The following GPRIN3 variants were observed in gnomAD, a reference collection of about 807,000 sequenced individuals.
GPRIN3 encodes the protein G protein-regulated inducer of neurite outgrowth 3.
Under a neutral mutation model 13.7 loss-of-function variants are expected in GPRIN3, and 12 were observed. That is an observed-to-expected ratio of 0.87 (90% CI 0.56 to 1.42). GPRIN3 has a LOEUF of 1.42. Among genes scored for constraint, GPRIN3 ranks in the 40% most tolerant of loss-of-function variants. The probability of loss-of-function intolerance (pLI) is 0.00; values close to 1 mark genes in which losing one functional copy is unlikely to be tolerated. For synonymous variants in GPRIN3, 377 were observed against 372.7 expected (o/e 1.01, Z -0.13); for missense variants, 1,009 against 958.7 (o/e 1.05, Z -0.69).
chr4:89,299,564 C>T (rs1724837160), intron 1 of GPRIN3, among the ~76,000 whole-genome samples: 1 of 152,138 alleles, frequency 6.6e-6, no homozygotes, highest in East Asian at 1.9e-4. Flanking sequence ...GATGCAGTCA[C>T]CTCATTTTTT....
chr4:89,249,351 C>A lies in GPRIN3; in HGVS notation c.760G>T (p.Ala254Ser). The part of the protein sequence containing the change: ...CSENKQPSVT[A>S]SGPQGTTSVT... ...GAAGTTGTGCCTTGGGGGCCCGAGG[C>A]AGTGACAGAGGGCTGCTTGTTCTCT... Residue 254 changes from alanine to serine, a missense_variant, in exon 2 of 2, where the codon GCC (alanine) becomes TCC (serine). Ala to Ser is a moderately conservative substitution (Grantham distance 99). Coordinates refer to ENST00000609438, the MANE Select transcript of GPRIN3 (RefSeq NM_198281.3). The A allele has an allele frequency of 6.2e-7, 1 of 1,614,110 alleles. No homozygotes were observed. The highest frequency in any genetic ancestry group is 1.1e-5 in the South Asian group (1 of 91,066).
At chr4:89,303,432 A>G (rs1003069460) in intron 1 of GPRIN3, among the ~76,000 whole-genome samples, 1 of 152,224 alleles carries the variant, frequency 6.6e-6, no homozygotes, top group African/African-American at 2.4e-5. Context: ...AGGCCTAACC[A>G]GTAAATTACT....
At chr4:89,258,894 AC>A (rs1333297189) in intron 1 of GPRIN3, among the ~76,000 whole-genome samples, 1 of 152,196 alleles carries the variant, frequency 6.6e-6, no homozygotes, top group Non-Finnish European at 1.5e-5. Flanking sequence ...AATAAAATGG[AC>A]CTGCTTCAAA....
In GPRIN3 at chr4:89,298,365, T is replaced by A. The variant is rs78445130; in HGVS notation, c.-124+9250A>T. ...CTGGCAGGGAGGAAAGGAACCCAGG[T>A]GTGGCAAGCAGGTGGTGAAGCTGTG... is the stretch of plus-strand genomic sequence containing the variant. On this transcript the variant is annotated intron_variant, in intron 1 of 1. Coordinates refer to ENST00000609438, the MANE Select transcript of GPRIN3 (RefSeq NM_198281.3). 6.1e-4 allele frequency among the ~76,000 whole-genome samples: 92 copies of A among 152,002 alleles called. 1 individual carries two copies. In the East Asian group the frequency reaches 0.016, roughly 26 times the overall value.
At chr4:89,277,756 C>G (rs1467624286) in intron 1 of GPRIN3, among the ~76,000 whole-genome samples, 1 of 152,186 alleles carries the variant, frequency 6.6e-6, no homozygotes, top group Non-Finnish European at 1.5e-5. Context: ...TCACTGATGA[C>G]CTTGATGTGG....
intron 1 of GPRIN3, among the ~76,000 whole-genome samples, chr4:89,304,976 AT>A (rs1471567703): frequency 6.6e-6 from 1 of 152,146 alleles, no homozygotes; most frequent in Non-Finnish European, 1.5e-5. Flanking sequence ...GGTAAATATA[AT>A]TTCTAGATAT....
intron 1 of GPRIN3, among the ~76,000 whole-genome samples, chr4:89,280,021 T>C (rs1724201978): frequency 6.6e-6 from 1 of 152,208 alleles, no homozygotes; most frequent in African/African-American, 2.4e-5. Context: ...CTTCTAAGCT[T>C]GTTCTTCCTT....
chr4:89,282,876 G>A (rs1009193582), intron 1 of GPRIN3, among the ~76,000 whole-genome samples: 7 of 152,130 alleles, frequency 4.6e-5, no homozygotes, highest in Admixed American at 4.6e-4. Context: ...CAAATCTGTG[G>A]AAATCTGCCT....
chr4:89,270,427 T>C (rs928229730), intron 1 of GPRIN3, among the ~76,000 whole-genome samples: 1 of 150,702 alleles, frequency 6.6e-6, no homozygotes, highest in African/African-American at 2.4e-5. Flanking sequence ...AGTCTGGAAA[T>C]ACAAACGACT....
intron 1 of GPRIN3, among the ~76,000 whole-genome samples, chr4:89,295,726 G>C (rs1724713780): frequency 6.6e-6 from 1 of 152,168 alleles, no homozygotes; most frequent in Admixed American, 6.5e-5. Flanking sequence ...CTCATTTCTA[G>C]AGAGGACCTG....
intron 1 of GPRIN3, among the ~76,000 whole-genome samples, chr4:89,277,542 C>T (rs1379825560): frequency 6.6e-6 from 1 of 152,208 alleles, no homozygotes; most frequent in Admixed American, 6.5e-5. Context: ...TACTTGTCTG[C>T]AACAAGGAGA....
chr4:89,254,128 G>GGTGTGTGTGTGTGTGTGTGTGTGTGTGT (rs57642647), intron 1 of GPRIN3, among the ~76,000 whole-genome samples: 7 of 147,646 alleles, frequency 4.7e-5, no homozygotes, highest in South Asian at 2.2e-4. Context: ...GTTGCATCTG[G>GGTGTGTGTGTGTGTGTGTGTGTGTGTGT]GTGTGTGTGT....
At chr4:89,279,667 T>C (rs978390183) in intron 1 of GPRIN3, among the ~76,000 whole-genome samples, 1 of 152,244 alleles carries the variant, frequency 6.6e-6, no homozygotes, top group African/African-American at 2.4e-5. Context: ...CTTATCTTTG[T>C]TGCCTTCTCT....
At chr4:89,302,584 C>A (rs1724928229) in intron 1 of GPRIN3, among the ~76,000 whole-genome samples, 1 of 152,082 alleles carries the variant, frequency 6.6e-6, no homozygotes, top group African/African-American at 2.4e-5. Flanking sequence ...TAATTACCGA[C>A]ATGAACAATT....
At chr4:89,280,018 G>A (rs1283785831) in intron 1 of GPRIN3, among the ~76,000 whole-genome samples, 1 of 152,114 alleles carries the variant, frequency 6.6e-6, no homozygotes, top group East Asian at 1.9e-4. Flanking sequence ...TCACTTCTAA[G>A]CTTGTTCTTC....
At chr4:89,256,190 A>G (rs1002922558) in intron 1 of GPRIN3, among the ~76,000 whole-genome samples, 3 of 152,156 alleles carry the variant, frequency 2.0e-5, no homozygotes, top group African/African-American at 7.2e-5. Flanking sequence ...AGAAAATGGA[A>G]AGAAAGAAAA....
rs1722851385 is a variant in GPRIN3 at position 89,238,876 on chromosome 4, A to G, written c.*8904T>C. ...AATAAATTGTATCTATATTACATTT[A>G]TTATGAAAAGTGAGATGCAAAAAAA... On this transcript the variant is annotated 3_prime_UTR_variant, in exon 2 of 2. Coordinates refer to ENST00000609438, the MANE Select transcript of GPRIN3 (RefSeq NM_198281.3). 1.3e-5 allele frequency: 2 copies of G among 152,242 alleles called. No individual in the cohort carries two copies. The highest frequency in any genetic ancestry group is 2.1e-4 in the South Asian group (1 of 4,828). 9.4% of individuals were successfully genotyped at this position (152,242 alleles called of 1,614,324 possible). A position where few individuals can be genotyped will look rare whatever the true frequency, so the allele number is the denominator to read the frequency against.
intron 1 of GPRIN3, among the ~76,000 whole-genome samples, chr4:89,280,623 G>A (rs1340400722): frequency 2.0e-5 from 3 of 152,192 alleles, no homozygotes; most frequent in African/African-American, 7.2e-5. Context: ...GGTCCACCTA[G>A]AACCGGTGAA....
Position 89,249,318 on chromosome 4 carries a change from G to A in GPRIN3, c.793C>T (p.Pro265Ser). 2 of 1,614,124 alleles carry A rather than the reference G, an allele frequency of 1.2e-6. No homozygotes were observed. The highest frequency in any genetic ancestry group is 1.7e-6 in the Non-Finnish European group (2 of 1,180,012). The change falls in exon 2 of 2, where the codon CCT (proline) becomes TCT (serine). Residue 265 changes from proline to serine, a missense_variant. By Grantham distance (74) the Pro-to-Ser change is moderately conservative. Coordinates refer to ENST00000609438, the MANE Select transcript of GPRIN3 (RefSeq NM_198281.3). ...SGPQGTTSVT[P>S]QPTPLTSEPS... The stretch of plus-strand genomic sequence containing the variant: ...TCGCTAGTGAGGGGGGTTGGTTGAG[G>A]TGTCACAGAAGTTGTGCCTTGGGGG...
Sources: allele counts gnomAD v4.1 joint callset (sites outside exome capture counted in the v4.1 genomes callset), GRCh38; gene constraint gnomAD v4.1.1; transcripts MANE v1.5; gene names NCBI Gene and HGNC (gene_info 2026-07-23, HGNC 2026-07-21).